Variants in QTMAN observed in about 807,000 individuals in gnomAD.
QTMAN encodes queuosine-tRNA mannosyltransferase, also known as tRNA-queuosine alpha-mannosyltransferase.
At chr2:144,225,066 TC>T in the QTMAN span, among the ~76,000 whole-genome samples, 1 of 152,318 alleles carries the variant, frequency 6.6e-6, no homozygotes, top group South Asian at 2.1e-4. Context: ...TTTGCTTCCT[TC>T]TAGAATTCAA....
At chr2:144,035,261 T>C in the QTMAN span, among the ~76,000 whole-genome samples, 1 of 152,194 alleles carries the variant, frequency 6.6e-6, no homozygotes, top group Admixed American at 6.5e-5. Flanking sequence ...TCCTGAGGCC[T>C]CCCCAGCCAT....
At chr2:144,244,502 A>C in the QTMAN span, among the ~76,000 whole-genome samples, 1 of 152,358 alleles carries the variant, frequency 6.6e-6, no homozygotes, top group Non-Finnish European at 1.5e-5. Context: ...AAGGAGAAAC[A>C]ACAGTTGGGG....
chr2:144,003,019 A>AT, the QTMAN span, among the ~76,000 whole-genome samples: 18 of 151,868 alleles, frequency 1.2e-4, no homozygotes, highest in East Asian at 3.9e-4. Context: ...ATTCTCACTG[A>AT]TTTTTTTGGG....
At chr2:144,214,868 T>G in the QTMAN span, among the ~76,000 whole-genome samples, 1 of 152,238 alleles carries the variant, frequency 6.6e-6, no homozygotes. Context: ...AGTTAGCATC[T>G]TATATGTATT....
the QTMAN span, among the ~76,000 whole-genome samples, chr2:144,080,013 C>T: frequency 6.6e-5 from 10 of 152,058 alleles, no homozygotes; most frequent in Non-Finnish European, 1.2e-4. Context: ...ATTTTCCATA[C>T]ATCCTTTATG....
the QTMAN span, among the ~76,000 whole-genome samples, chr2:144,157,216 C>T: frequency 5.9e-5 from 9 of 152,124 alleles, no homozygotes; most frequent in East Asian, 1.5e-3. Flanking sequence ...AGACAAAGTA[C>T]TTGAACTTTT....
the QTMAN span, among the ~76,000 whole-genome samples, chr2:144,188,409 A>G: frequency 1.3e-5 from 2 of 152,220 alleles, no homozygotes; most frequent in Non-Finnish European, 2.9e-5. Context: ...ACTTTTGAAC[A>G]TATCAGTTTC....
chr2:144,128,327 A>AAGAACAAAATACGCTATCAGC, the QTMAN span: 2 of 152,048 alleles, frequency 1.3e-5, no homozygotes, highest in African/African-American at 4.8e-5. Flanking sequence ...TGTTTACTGG[A>AAGAACAAAATACGCTATCAGC]AGAACAAAAT....
At chr2:144,217,324 A>G in the QTMAN span, among the ~76,000 whole-genome samples, 2 of 152,262 alleles carry the variant, frequency 1.3e-5, no homozygotes, top group East Asian at 3.9e-4. Context: ...ATGGCATCCC[A>G]TTATACTTCA....
chr2:144,185,332 TCTC>T, the QTMAN span, among the ~76,000 whole-genome samples: 1 of 152,152 alleles, frequency 6.6e-6, no homozygotes, highest in Non-Finnish European at 1.5e-5. Flanking sequence ...AAGGATCTGT[TCTC>T]CTATGTTTCA....
At chr2:143,990,255 A>G in the QTMAN span, among the ~76,000 whole-genome samples, 1 of 152,184 alleles carries the variant, frequency 6.6e-6, no homozygotes, top group African/African-American at 2.4e-5. Flanking sequence ...GTTCTAGTTT[A>G]ATTGGTATAA....
At chr2:144,060,517 A>G in the QTMAN span, among the ~76,000 whole-genome samples, 1 of 152,136 alleles carries the variant, frequency 6.6e-6, no homozygotes, top group Non-Finnish European at 1.5e-5. Context: ...CACCTCGGCC[A>G]ACCAAAGTGC....
At chr2:144,007,245 C>G in the QTMAN span, 1 of 1,612,358 alleles carries the variant, frequency 6.2e-7, no homozygotes, top group Admixed American at 1.7e-5. Flanking sequence ...CAAAATGTCA[C>G]AGGGATCAAC....
chr2:144,230,527 G>A, the QTMAN span, among the ~76,000 whole-genome samples: 1 of 152,026 alleles, frequency 6.6e-6, no homozygotes, highest in African/African-American at 2.4e-5. Flanking sequence ...GCTATGTGTG[G>A]GTATTCAACT....
chr2:144,091,957 G>C, the QTMAN span, among the ~76,000 whole-genome samples: 1 of 152,110 alleles, frequency 6.6e-6, no homozygotes, highest in African/African-American at 2.4e-5. Context: ...TTTTTGTTTA[G>C]ATGAAGTTAT....
At chr2:144,054,748 C>T in the QTMAN span, among the ~76,000 whole-genome samples, 30 of 152,242 alleles carry the variant, frequency 2.0e-4, no homozygotes, top group African/African-American at 6.5e-4. Context: ...ATCAGCACTC[C>T]TAATCCCTGC....
chr2:144,312,210 C>CA, the QTMAN span, among the ~76,000 whole-genome samples: 1 of 136,378 alleles, frequency 7.3e-6, no homozygotes, highest in African/African-American at 2.7e-5. Context: ...TGAATAAAGA[C>CA]AAGAGTCTCA....
At chr2:143,946,908 G>A in the QTMAN span, 1 of 597,952 alleles carries the variant, frequency 1.7e-6, no homozygotes, top group African/African-American at 1.9e-5. Flanking sequence ...TGTGGCAGAT[G>A]GCTCTGTGTC....
the QTMAN span, among the ~76,000 whole-genome samples, chr2:144,229,379 C>CA: frequency 6.6e-6 from 1 of 152,320 alleles, no homozygotes; most frequent in Middle Eastern, 3.4e-3. Context: ...ATTCCAAAAA[C>CA]ATTTGAGTTC....
Sources: allele counts gnomAD v4.1 joint callset (sites outside exome capture counted in the v4.1 genomes callset), GRCh38; gene constraint gnomAD v4.1.1; transcripts MANE v1.5; gene names NCBI Gene and HGNC (gene_info 2026-07-23, HGNC 2026-07-21).